The following DIAPH3 variants were observed in gnomAD, a reference collection of about 807,000 sequenced individuals.
DIAPH3 encodes protein diaphanous homolog 3.
Under a neutral mutation model 144.3 loss-of-function variants are expected in DIAPH3, and 117 were observed. The observed-to-expected ratio is 0.81, with a 90% CI of 0.70 to 0.95. The LOEUF is 0.95. Ranked by LOEUF, DIAPH3 falls within the 40% of genes least tolerant of loss-of-function variation. The pLI is 0.00. For synonymous variants in DIAPH3, 519 were observed against 488.9 expected, an observed-to-expected ratio of 1.06 and a Z score of -0.81; for missense variants, 1,421 against 1,412.7, an observed-to-expected ratio of 1.01 and a Z score of -0.09.
chr13:59,956,647 G>A (rs1428350844), intron 17 of DIAPH3, among the ~76,000 whole-genome samples: 1 of 152,206 alleles, frequency 6.6e-6, no homozygotes, highest in Non-Finnish European at 1.5e-5. Flanking sequence ...CCCCACTAGG[G>A]CACTGCTGGG....
At chr13:60,055,441 T>TA (rs544159400) in intron 4 of DIAPH3, among the ~76,000 whole-genome samples, 153 of 152,064 alleles carry the variant, frequency 1.0e-3, no homozygotes, top group Non-Finnish European at 1.7e-3. Flanking sequence ...CTGAATGCAA[T>TA]ACTCCAGTGT....
chr13:60,053,131 G>A (rs1254856847), intron 4 of DIAPH3, among the ~76,000 whole-genome samples: 3 of 151,570 alleles, frequency 2.0e-5, no homozygotes, highest in Admixed American at 2.0e-4. Context: ...AAATTGAGGG[G>A]GAAAATATTA....
chr13:59,699,030 C>T (rs1393138151), intron 27 of DIAPH3, among the ~76,000 whole-genome samples: 1 of 152,158 alleles, frequency 6.6e-6, no homozygotes, highest in African/African-American at 2.4e-5. Flanking sequence ...ATGGGTCAAG[C>T]TCTGTTCTAG....
intron 27 of DIAPH3, among the ~76,000 whole-genome samples, chr13:59,669,328 A>G (rs2032218001): frequency 6.6e-6 from 1 of 152,000 alleles, no homozygotes; most frequent in South Asian, 2.1e-4. Context: ...TCCCTAGTCC[A>G]TTCACTCTTC....
intron 24 of DIAPH3, among the ~76,000 whole-genome samples, chr13:59,811,524 G>T (rs2040473291): frequency 6.6e-6 from 1 of 151,986 alleles, no homozygotes; most frequent in Non-Finnish European, 1.5e-5. Flanking sequence ...GGATCATAAG[G>T]TCAGTAGATC....
chr13:60,021,219 A>G (rs2053995534), intron 5 of DIAPH3, among the ~76,000 whole-genome samples: 1 of 152,250 alleles, frequency 6.6e-6, no homozygotes, highest in African/African-American at 2.4e-5. Context: ...TGCTAATCAG[A>G]TGATTTTAAG....
At chr13:59,733,065 T>G (rs941798852) in intron 27 of DIAPH3, among the ~76,000 whole-genome samples, 1 of 152,096 alleles carries the variant, frequency 6.6e-6, no homozygotes, top group African/African-American at 2.4e-5. Flanking sequence ...GTTAAAAAAG[T>G]TCGAAAGCCA....
chr13:60,016,251 T>A, intron 5 of DIAPH3, 106 bp from the exon 6 acceptor site: 2 of 1,019,810 alleles, frequency 2.0e-6, no homozygotes, highest in Non-Finnish European at 3.0e-6. Flanking sequence ...TAATCGTAAC[T>A]AAAACATAAG....
intron 2 of DIAPH3, among the ~76,000 whole-genome samples, chr13:60,130,408 A>C (rs1176093472): frequency 1.3e-5 from 2 of 152,206 alleles, no homozygotes; most frequent in African/African-American, 4.8e-5. Flanking sequence ...CAGCAAGTCC[A>C]TGTGAAGAGG....
At chr13:59,828,199 A>C (rs2041561992) in intron 24 of DIAPH3, among the ~76,000 whole-genome samples, 2 of 151,952 alleles carry the variant, frequency 1.3e-5, no homozygotes, top group South Asian at 2.1e-4. Context: ...GTAAGTAAAA[A>C]TCTATTACGA....
At chr13:60,104,793 G>A (rs183126733) in intron 3 of DIAPH3, among the ~76,000 whole-genome samples, 7 of 152,182 alleles carry the variant, frequency 4.6e-5, no homozygotes, top group Non-Finnish European at 8.8e-5. Context: ...CTGCAGATAA[G>A]AACACTGCCA....
At chr13:59,951,449 G>A (rs563113981) in intron 17 of DIAPH3, among the ~76,000 whole-genome samples, 1 of 152,120 alleles carries the variant, frequency 6.6e-6, no homozygotes, top group African/African-American at 2.4e-5. Context: ...TTAGCAGCGT[G>A]AGAATGAACT....
intron 25 of DIAPH3, among the ~76,000 whole-genome samples, chr13:59,779,668 T>C (rs1412853891): frequency 6.6e-6 from 1 of 151,910 alleles, no homozygotes; most frequent in Non-Finnish European, 1.5e-5. Context: ...TGCCCCACCA[T>C]GCCCACCTAA....
rs182505430 is a variant in DIAPH3, at chr13:59,774,146, A to G, written c.3319+43T>C. The G allele has an allele frequency of 1.4e-3, 2,218 of 1,583,320 alleles. 4 individuals are homozygous for G. Among genetic ancestry groups the G allele is most frequent in the Non-Finnish European group, 1.7e-3 (2,018 of 1,156,236 alleles). ...TAAAATCACAGATCAATAGGATAAA[A>G]GTAGATAAGAAGAATGTGCAATTTA... On this transcript the variant is annotated intron_variant, in intron 27 of 27. Coordinates refer to ENST00000400324, the MANE Select transcript of DIAPH3 (RefSeq NM_001042517.2).
chr13:59,748,512 T>A (rs2036817159), intron 27 of DIAPH3, among the ~76,000 whole-genome samples: 1 of 152,210 alleles, frequency 6.6e-6, no homozygotes. Flanking sequence ...AAACAAAATA[T>A]CATTATTGAT....
intron 7 of DIAPH3, among the ~76,000 whole-genome samples, chr13:60,012,016 A>T (rs1400323194): frequency 1.3e-5 from 2 of 152,136 alleles, no homozygotes; most frequent in African/African-American, 4.8e-5. Flanking sequence ...AAAGCATGAG[A>T]ACTGACTAAT....
intron 27 of DIAPH3, among the ~76,000 whole-genome samples, chr13:59,715,286 A>G (rs2034990603): frequency 6.6e-6 from 1 of 152,212 alleles, no homozygotes. Context: ...AGCACATGGT[A>G]GACGATCAAA....
intron 9 of DIAPH3, among the ~76,000 whole-genome samples, chr13:60,001,184 G>A (rs950083318): frequency 3.9e-5 from 6 of 152,196 alleles, no homozygotes; most frequent in Non-Finnish European, 7.3e-5. Context: ...ATGTCTTTTA[G>A]AGCAAAGTGC....
At chr13:59,748,719 C>G (rs1195352808) in intron 27 of DIAPH3, among the ~76,000 whole-genome samples, 2 of 152,144 alleles carry the variant, frequency 1.3e-5, no homozygotes, top group East Asian at 3.9e-4. Context: ...TGCTTCCTTA[C>G]ACCTGGATAT....
Sources: allele counts gnomAD v4.1 joint callset (sites outside exome capture counted in the v4.1 genomes callset), GRCh38; gene constraint gnomAD v4.1.1; transcripts MANE v1.5; gene names NCBI Gene and HGNC (gene_info 2026-07-23, HGNC 2026-07-21).